Variants in MARCHF1 observed in about 807,000 individuals in gnomAD.
MARCHF1 encodes membrane associated ring-CH-type finger 1.
In MARCHF1, 40 loss-of-function variants were observed where a neutral mutation model predicts 54.2. That is an observed-to-expected ratio of 0.74 (90% confidence interval 0.57 to 0.96). The LOEUF is 0.96. MARCHF1 is among the 40% of genes least tolerant of loss of function. MARCHF1 has a pLI of 0.00. For missense variants in MARCHF1, 586 were observed against 656.5 expected, an observed-to-expected ratio of 0.89 and a Z score of 1.17; for synonymous variants, 236 against 236.3, an observed-to-expected ratio of 1.00 and a Z score of 0.01.
chr4:163,904,698 T>C (rs564456160), intron 3 of MARCHF1, among the ~76,000 whole-genome samples: 40 of 152,236 alleles, frequency 2.6e-4, no homozygotes, highest in African/African-American at 9.6e-4. Context: ...TAGGTCCCAC[T>C]CTCTAGGTTT....
chr4:164,326,228 G>A (rs1192549487), intron 1 of MARCHF1, among the ~76,000 whole-genome samples: 1 of 152,138 alleles, frequency 6.6e-6, no homozygotes, highest in African/African-American at 2.4e-5. Context: ...ATCAAATGGG[G>A]TTAAATGCAA....
chr4:163,725,239 A>G (rs887046966), intron 4 of MARCHF1, among the ~76,000 whole-genome samples: 9 of 152,148 alleles, frequency 5.9e-5, no homozygotes, highest in Non-Finnish European at 1.0e-4. Context: ...ATAAGTTCAT[A>G]TTTCAAGAAT....
At chr4:164,199,898 C>T (rs72987744) in intron 1 of MARCHF1, among the ~76,000 whole-genome samples, 1,813 of 152,260 alleles carry the variant, frequency 0.012, 36 homozygotes, top group African/African-American at 0.042. Flanking sequence ...TCCCATGGCA[C>T]AGTACTTCTA....
At chr4:164,151,160 A>T (rs1231727036) in intron 1 of MARCHF1, among the ~76,000 whole-genome samples, 3 of 141,200 alleles carry the variant, frequency 2.1e-5, no homozygotes, top group African/African-American at 8.7e-5. Flanking sequence ...CTAAGAAAAT[A>T]AATGTGAATT....
At chr4:163,668,398 GA>G (rs1163420061) in intron 5 of MARCHF1, among the ~76,000 whole-genome samples, 2 of 152,090 alleles carry the variant, frequency 1.3e-5, no homozygotes, top group African/African-American at 4.8e-5. Context: ...AACAATTAAT[GA>G]AAAAATACTA....
At chr4:164,303,477 C>A (rs1203511526) in intron 1 of MARCHF1, among the ~76,000 whole-genome samples, 1 of 152,042 alleles carries the variant, frequency 6.6e-6, no homozygotes, top group East Asian at 1.9e-4. Flanking sequence ...CTATCCCTAG[C>A]CTTTGATAGG....
intron 1 of MARCHF1, among the ~76,000 whole-genome samples, chr4:164,290,698 A>G (rs1332493440): frequency 6.6e-6 from 1 of 152,018 alleles, no homozygotes; most frequent in East Asian, 1.9e-4. Context: ...CAAAGAGGGA[A>G]ATACTTTCAA....
chr4:164,148,291 A>T (rs1729828070), intron 1 of MARCHF1, among the ~76,000 whole-genome samples: 1 of 152,178 alleles, frequency 6.6e-6, no homozygotes, highest in Admixed American at 6.6e-5. Context: ...CTTGAATACA[A>T]TTCCAAAATC....
chr4:163,745,121 T>C (rs1156715137), intron 4 of MARCHF1, among the ~76,000 whole-genome samples: 1 of 150,996 alleles, frequency 6.6e-6, no homozygotes, highest in Non-Finnish European at 1.5e-5. Context: ...CTTTCTTTTT[T>C]TTTTTTTTTG....
chr4:163,694,380 G>C (rs1377747057), intron 5 of MARCHF1, among the ~76,000 whole-genome samples: 1 of 152,152 alleles, frequency 6.6e-6, no homozygotes, highest in Non-Finnish European at 1.5e-5. Flanking sequence ...TGCATGTAAA[G>C]AGAATCAAAA....
chr4:163,904,763 A>AGAGAGAGAGAGAC (rs374872263), intron 3 of MARCHF1, among the ~76,000 whole-genome samples: 4 of 151,466 alleles, frequency 2.6e-5, no homozygotes, highest in African/African-American at 9.7e-5. Flanking sequence ...AGGAGAGAGA[A>AGAGAGAGAGAGAC]AGAGACAGAG....
intron 4 of MARCHF1, among the ~76,000 whole-genome samples, chr4:163,757,515 G>A (rs1433393216): frequency 1.3e-5 from 2 of 152,084 alleles, no homozygotes; most frequent in Non-Finnish European, 2.9e-5. Context: ...ATATCCTAAG[G>A]ATGCCTGTTT....
At chr4:164,380,010 T>C (rs749209397) in intron 1 of MARCHF1, among the ~76,000 whole-genome samples, 1 of 150,824 alleles carries the variant, frequency 6.6e-6, no homozygotes. Context: ...AAAAATGCTA[T>C]ACTTAGCTTT....
chr4:163,615,487 C>CA (rs1260719742), intron 5 of MARCHF1, among the ~76,000 whole-genome samples: 3 of 151,326 alleles, frequency 2.0e-5, no homozygotes, highest in Non-Finnish European at 4.4e-5. Context: ...TAATGATGAC[C>CA]AAAAAAACCC....
chr4:164,121,395 G>T (rs1756062953), intron 1 of MARCHF1, among the ~76,000 whole-genome samples: 1 of 152,088 alleles, frequency 6.6e-6, no homozygotes, highest in Non-Finnish European at 1.5e-5. Context: ...GGCTGAAGAG[G>T]ACTCAGGAAA....
intron 4 of MARCHF1, among the ~76,000 whole-genome samples, chr4:163,722,968 C>T (rs1297032006): frequency 6.6e-6 from 1 of 152,082 alleles, no homozygotes; most frequent in African/African-American, 2.4e-5. Flanking sequence ...TGGGTCTTGA[C>T]TCTTTATCCA....
intron 4 of MARCHF1, among the ~76,000 whole-genome samples, chr4:163,737,641 A>T (rs1188655215): frequency 7.9e-6 from 1 of 126,750 alleles, no homozygotes; most frequent in Non-Finnish European, 1.9e-5. Flanking sequence ...GTTTGCAGCC[A>T]AAAAACACAT....
intron 1 of MARCHF1, among the ~76,000 whole-genome samples, chr4:164,220,618 T>C (rs1330611352): frequency 6.8e-6 from 1 of 146,010 alleles, no homozygotes; most frequent in Admixed American, 7.0e-5. Context: ...ATGCTATATA[T>C]GCATATATGT....
chr4:163,575,458 ATT>A (rs1448485333), intron 8 of MARCHF1, among the ~76,000 whole-genome samples: 2 of 151,938 alleles, frequency 1.3e-5, no homozygotes, highest in African/African-American at 4.8e-5. Context: ...TAGTTTGCTA[ATT>A]TTTTTGAGGA....
Sources: allele counts gnomAD v4.1 joint callset (sites outside exome capture counted in the v4.1 genomes callset), GRCh38; gene constraint gnomAD v4.1.1; transcripts MANE v1.5; gene names NCBI Gene and HGNC (gene_info 2026-07-23, HGNC 2026-07-21).